The following AMBRA1 variants were observed in gnomAD, a reference collection of about 807,000 sequenced individuals.
AMBRA1 encodes autophagy and beclin 1 regulator 1, also known as activating molecule in BECN1-regulated autophagy protein 1.
AMBRA1 carries 47 observed loss-of-function variants against 125.4 expected under a neutral mutation model. That is an observed-to-expected ratio of 0.37 (90% confidence interval 0.30 to 0.48). AMBRA1 has a LOEUF of 0.48. Among genes scored for constraint, AMBRA1 ranks in the 20% least tolerant of loss-of-function variants. The probability of loss-of-function intolerance (pLI) is 0.99; values close to 1 mark genes in which losing one functional copy is unlikely to be tolerated. For synonymous variants in AMBRA1, 626 were observed against 655.5 expected (o/e 0.95, Z 0.69); for missense variants, 1,331 against 1,693.4 (o/e 0.79, Z 3.76).
chr11:46,514,794 G>T (rs552298572), intron 7 of AMBRA1, among the ~76,000 whole-genome samples: 2 of 152,126 alleles, frequency 1.3e-5, no homozygotes, highest in South Asian at 2.1e-4. Context: ...ATTTTTTCAT[G>T]ATTTCATAGG....
chr11:46,437,578 T>C (rs1947787330), intron 12 of AMBRA1, among the ~76,000 whole-genome samples: 1 of 152,242 alleles, frequency 6.6e-6, no homozygotes, highest in African/African-American at 2.4e-5. Flanking sequence ...TCACATTTGC[T>C]GTTTGTTGTC....
chr11:46,508,313 G>A lies in AMBRA1; in HGVS notation c.2217C>T (p.Asp739=). Residue 739 remains aspartate, a synonymous_variant, in exon 9 of 18, where the codon GAC becomes GAT. Coordinates refer to ENST00000683756, the MANE Select transcript of AMBRA1 (RefSeq NM_001387011.1). ...AGCGCATGGAGCGCTGGCGAATACT[G>A]TCTCTCCGTGAGAGATACTGGATCA... is the stretch of plus-strand genomic sequence containing the variant. The part of the protein sequence containing the change: ...QRMIQYLSRR[D]SIRQRSMRYQ... 2.5e-6 allele frequency: 4 copies of A among 1,614,224 alleles called. No individual in the cohort carries two copies. The highest frequency in any genetic ancestry group is 2.2e-5 in the East Asian group (1 of 44,886).
intron 7 of AMBRA1, among the ~76,000 whole-genome samples, chr11:46,513,549 A>G (rs1262154694): frequency 6.6e-6 from 1 of 152,220 alleles, no homozygotes; most frequent in Non-Finnish European, 1.5e-5. Context: ...ATACATGAGA[A>G]CACTGGGCCC....
At chr11:46,408,736 A>C in intron 16 of AMBRA1, 30 bp from the exon 17 acceptor site, 1 of 1,501,652 alleles carries the variant, frequency 6.7e-7, no homozygotes, top group Non-Finnish European at 8.9e-7. Context: ...CTAAAGTCAG[A>C]TGGGGCTTGG....
intron 11 of AMBRA1, among the ~76,000 whole-genome samples, chr11:46,470,251 A>G (rs1174516422): frequency 6.6e-6 from 1 of 151,984 alleles, no homozygotes; most frequent in Non-Finnish European, 1.5e-5. Flanking sequence ...GACCAGCCTG[A>G]GCAACATAGG....
At chr11:46,419,187 T>C (rs1327659563) in intron 14 of AMBRA1, among the ~76,000 whole-genome samples, 1 of 152,224 alleles carries the variant, frequency 6.6e-6, no homozygotes, top group Non-Finnish European at 1.5e-5. Flanking sequence ...TTGTTTCTCT[T>C]TTTCCAAGCT....
At chr11:46,399,624 CA>C (rs751817618) in intron 17 of AMBRA1, among the ~76,000 whole-genome samples, 9 of 152,296 alleles carry the variant, frequency 5.9e-5, no homozygotes, top group Non-Finnish European at 1.5e-5. Context: ...CTAGGCCTCC[CA>C]AAGTGTTGGG....
intron 1 of AMBRA1, among the ~76,000 whole-genome samples, chr11:46,575,323 G>A (rs2043918983): frequency 6.6e-6 from 1 of 151,894 alleles, no homozygotes; most frequent in East Asian, 1.9e-4. Flanking sequence ...CCAGCGTGGT[G>A]GCACGTGCCT....
intron 11 of AMBRA1, among the ~76,000 whole-genome samples, chr11:46,446,121 C>T (rs1479536392): frequency 6.6e-6 from 1 of 152,130 alleles, no homozygotes; most frequent in East Asian, 1.9e-4. Flanking sequence ...GTGGAAGAGA[C>T]TGGGGAGGTG....
intron 14 of AMBRA1, 30 bp from the exon 15 acceptor site, chr11:46,418,082 G>T (rs753502805): frequency 2.6e-6 from 4 of 1,523,176 alleles, no homozygotes; most frequent in Non-Finnish European, 8.9e-7. Context: ...GAAAAAAAGA[G>T]AATGGGAGGA....
At chr11:46,552,123 C>G (rs1436474083) in intron 1 of AMBRA1, among the ~76,000 whole-genome samples, 1 of 151,618 alleles carries the variant, frequency 6.6e-6, no homozygotes, top group Non-Finnish European at 1.5e-5. Flanking sequence ...AATCCCAGCA[C>G]TTTGGAAGGC....
intron 1 of AMBRA1, among the ~76,000 whole-genome samples, chr11:46,564,754 C>A (rs1315772709): frequency 6.6e-6 from 1 of 152,178 alleles, no homozygotes; most frequent in Non-Finnish European, 1.5e-5. Flanking sequence ...ACCTATCTAT[C>A]TAAAGAAGGA....
chr11:46,414,160 C>T (rs1200817715), intron 15 of AMBRA1, among the ~76,000 whole-genome samples: 4 of 152,220 alleles, frequency 2.6e-5, no homozygotes, highest in Non-Finnish European at 5.9e-5. Flanking sequence ...AACTTCCCAA[C>T]TTCTTGGGAC....
intron 11 of AMBRA1, among the ~76,000 whole-genome samples, chr11:46,447,580 G>A (rs1948353704): frequency 6.6e-6 from 1 of 152,082 alleles, no homozygotes; most frequent in Admixed American, 6.5e-5. Context: ...AGGTGTGGTG[G>A]CGTGTACCTG....
At chr11:46,512,411 T>A (rs775777602) in intron 8 of AMBRA1, among the ~76,000 whole-genome samples, 19 of 152,314 alleles carry the variant, frequency 1.2e-4, no homozygotes, top group Middle Eastern at 3.4e-3. Context: ...TCCATCTGAA[T>A]GACAACAGCC....
intron 15 of AMBRA1, among the ~76,000 whole-genome samples, chr11:46,413,711 GA>G (rs1029382257): frequency 6.3e-4 from 95 of 151,992 alleles, no homozygotes; most frequent in African/African-American, 2.2e-3. Flanking sequence ...GGCTGGTCTC[GA>G]ACTCCTGACC....
intron 17 of AMBRA1, among the ~76,000 whole-genome samples, chr11:46,405,309 G>A (rs935519331): frequency 1.3e-5 from 2 of 152,146 alleles, no homozygotes; most frequent in African/African-American, 4.8e-5. Flanking sequence ...CAGTTTAGGT[G>A]CCCATCTCCC....
At chr11:46,508,064 T>G (rs1951124716) in intron 9 of AMBRA1, 127 bp downstream of exon 9, 1 of 982,770 alleles carries the variant, frequency 1.0e-6, no homozygotes, top group African/African-American at 1.6e-5. Context: ...CCCATCCTGC[T>G]ACTCATAAAT....
rs1187803769 is a variant in AMBRA1 at position 46,566,175 on chromosome 11, C to G, written c.-120-17675G>C. ...AGCTCACACCTTTAATCCCAGCACTCTGGGAGGCTGAGGAGGGTGGATCAC... is the reference window on the plus strand; with the variant it reads ...AGCTCACACCTTTAATCCCAGCACTGTGGGAGGCTGAGGAGGGTGGATCAC... On this transcript the variant is annotated intron_variant, in intron 1 of 17. Coordinates refer to ENST00000683756, the MANE Select transcript of AMBRA1 (RefSeq NM_001387011.1). Among the ~76,000 whole-genome samples the G allele has an allele frequency of 2.6e-5, 4 of 152,198 alleles. No individual in the cohort carries two copies. The South Asian group carries it at 6.2e-4, about 24-fold the overall frequency.
Sources: allele counts gnomAD v4.1 joint callset (sites outside exome capture counted in the v4.1 genomes callset), GRCh38; gene constraint gnomAD v4.1.1; transcripts MANE v1.5; gene names NCBI Gene and HGNC (gene_info 2026-07-23, HGNC 2026-07-21).